The following TOGARAM2 variants were observed in gnomAD, a reference collection of about 807,000 sequenced individuals.
TOGARAM2 encodes the protein TOG array regulator of axonemal microtubules protein 2.
In TOGARAM2, 85 loss-of-function variants were observed where a neutral mutation model predicts 93.3. That is an observed-to-expected ratio of 0.91 (90% confidence interval 0.76 to 1.09). TOGARAM2 has a LOEUF of 1.09. Among genes scored for constraint, TOGARAM2 ranks in the 50% least tolerant of loss-of-function variants. The pLI, the probability that TOGARAM2 is intolerant of heterozygous loss-of-function variation, is 0.00. For missense variants in TOGARAM2, 1,277 were observed against 1,334.5 expected (o/e 0.96, Z 0.67); for synonymous variants, 593 against 552.8 (o/e 1.07, Z -1.02).
At chr2:29,031,753 A>C (rs1336990036) in intron 14 of TOGARAM2, among the ~76,000 whole-genome samples, 1 of 152,256 alleles carries the variant, frequency 6.6e-6, no homozygotes, top group Non-Finnish European at 1.5e-5. Context: ...GAGATAGCAC[A>C]TAGAAAGATT....
In TOGARAM2 at chr2:29,002,759, C is replaced by T. The variant is rs749647805; in HGVS notation, c.639+12C>T. ...CCGGTGCTCAGGAGGTAAGGTGGTT[C>T]GACTGCTGTGAGTCTGGTCCTCAGC... On this transcript the variant is annotated intron_variant, in intron 5 of 19. Transcript: ENST00000379558. The T allele has an allele frequency of 1.1e-5, 17 of 1,610,026 alleles. No homozygotes were observed. Among genetic ancestry groups the T allele is most frequent in the Middle Eastern group, 1.6e-4 (1 of 6,078 alleles).
chr2:28,976,326 A>C (rs557948278), upstream of TOGARAM2, among the ~76,000 whole-genome samples: 375 of 152,304 alleles, frequency 2.5e-3, 1 homozygote, highest in African/African-American at 8.5e-3. Flanking sequence ...AGCTGAGATC[A>C]CACCACTGCA....
chr2:28,973,740 C>T lies in TOGARAM2; in HGVS notation c.-147+17043C>T, dbSNP rs528424933. On this transcript the variant is annotated intron_variant, in intron 1 of 6. Transcript: ENST00000401723. ...TCAGAGTCTCATTATGTTGCCCAGG[C>T]TGGTCTCAAACTCCTGGCCTCAAGG... is the stretch of plus-strand genomic sequence containing the variant. Among the ~76,000 whole-genome samples, 22 of 152,150 alleles carry T rather than the reference C, an allele frequency of 1.4e-4. No individual in the cohort carries two copies. The South Asian group carries it at 3.7e-3, about 26-fold the overall frequency.
At chr2:28,974,034 G>A (rs778018575) in intron 1 of TOGARAM2, among the ~76,000 whole-genome samples, 21 of 151,510 alleles carry the variant, frequency 1.4e-4, no homozygotes, top group Non-Finnish European at 2.9e-4. Flanking sequence ...CACTTGTATT[G>A]TGTTTCTCTG....
chr2:29,046,581 C>T (rs1666759469), intron 19 of TOGARAM2: 1 of 152,474 alleles, frequency 6.6e-6, no homozygotes, highest in African/African-American at 2.4e-5. Context: ...CACTGCTGCT[C>T]TAGGATGTGC....
intron 1 of TOGARAM2, among the ~76,000 whole-genome samples, chr2:28,984,229 A>G (rs1386399330): frequency 6.6e-6 from 1 of 151,980 alleles, no homozygotes; most frequent in Non-Finnish European, 1.5e-5. Context: ...TTTCTCTTCA[A>G]CAAAACAAAG....
At chr2:28,987,212 G>A (rs769325829) in intron 1 of TOGARAM2, among the ~76,000 whole-genome samples, 10 of 152,162 alleles carry the variant, frequency 6.6e-5, no homozygotes, top group Non-Finnish European at 8.8e-5. Context: ...ACATTGCCCC[G>A]GGCGCAAAGC....
At chr2:28,996,911 C>T (rs557003111) in intron 2 of TOGARAM2, among the ~76,000 whole-genome samples, 16 of 151,714 alleles carry the variant, frequency 1.1e-4, no homozygotes, top group Non-Finnish European at 2.4e-4. Context: ...AATAGTATCC[C>T]ATTGTGTATA....
chr2:28,980,374 A>G (rs1041430225), upstream of TOGARAM2, among the ~76,000 whole-genome samples: 1 of 152,374 alleles, frequency 6.6e-6, no homozygotes, highest in East Asian at 1.9e-4. Context: ...CGTGGGGTGT[A>G]GTTGGCCTCC....
rs1027627264 is a variant in TOGARAM2, at chr2:28,981,480, A to G, written c.-169A>G. ...TGGGCCCATGAGCATCAACGTCTCT[A>G]TAGAGACCAAGGACCCTGGATTCCT... On this transcript the variant is annotated 5_prime_UTR_variant, in exon 1 of 20. Transcript: ENST00000379558. The G allele has an allele frequency of 1.3e-5, 2 of 152,414 alleles. No homozygotes were observed. The highest frequency in any genetic ancestry group is 4.8e-5 in the African/African-American group (2 of 41,462). The allele number at this position is 152,414 out of a possible 1,614,324, so 9.4% of individuals were successfully genotyped here.
intron 1 of TOGARAM2, among the ~76,000 whole-genome samples, chr2:28,972,028 A>G (rs556374489): frequency 1.6e-4 from 25 of 152,328 alleles, no homozygotes; most frequent in African/African-American, 6.0e-4. Context: ...TACACAGTGT[A>G]TATTAAAGGC....
chr2:29,050,765 TA>T (rs1262212110), intron 19 of TOGARAM2: 7 of 152,368 alleles, frequency 4.6e-5, no homozygotes, highest in Admixed American at 1.3e-4. Context: ...CCAGCTTCGA[TA>T]GTGCTAATGC....
chr2:29,045,467 G>A, intron 19 of TOGARAM2, 57 bp downstream of exon 19: 2 of 1,440,906 alleles, frequency 1.4e-6, no homozygotes, highest in East Asian at 2.3e-5. Flanking sequence ...GTTCTCTCCT[G>A]GTCTGTGGTT....
intron 1 of TOGARAM2, among the ~76,000 whole-genome samples, chr2:28,990,410 G>A (rs1174259153): frequency 6.6e-6 from 1 of 152,184 alleles, no homozygotes; most frequent in African/African-American, 2.4e-5. Flanking sequence ...TCCCGGGGCT[G>A]CAGAGCAAGC....
intron 14 of TOGARAM2, among the ~76,000 whole-genome samples, chr2:29,031,512 C>T (rs564768905): frequency 6.6e-6 from 1 of 152,290 alleles, no homozygotes; most frequent in East Asian, 1.9e-4. Context: ...TGAGTTTAAT[C>T]TGTTTAAAGT....
chr2:28,984,560 C>T (rs1672378650), intron 1 of TOGARAM2, among the ~76,000 whole-genome samples: 1 of 152,210 alleles, frequency 6.6e-6, no homozygotes, highest in Non-Finnish European at 1.5e-5. Flanking sequence ...TGCTTGTTTA[C>T]AGTCTACAGT....
At chr2:28,973,490 G>C (rs55882210) in intron 1 of TOGARAM2, among the ~76,000 whole-genome samples, 2 of 42,310 alleles carry the variant, frequency 4.7e-5, no homozygotes, top group Admixed American at 3.7e-4. Context: ...TCCCTCCTTC[G>C]TTCTTCTCCC....
intron 3 of TOGARAM2, 33 bp from the exon 4 acceptor site, chr2:28,999,148 G>C (rs375413321): frequency 5.1e-6 from 8 of 1,575,120 alleles, no homozygotes; most frequent in Non-Finnish European, 6.9e-6. Flanking sequence ...TGGGTACTGC[G>C]TGCCAAGCCA....
At chr2:29,048,182 A>T (rs1666859350) in intron 19 of TOGARAM2, 2 of 152,196 alleles carry the variant, frequency 1.3e-5, no homozygotes, top group African/African-American at 2.4e-5. Context: ...AAACCATCAG[A>T]TCTCATGAGA....
Sources: allele counts gnomAD v4.1 joint callset (sites outside exome capture counted in the v4.1 genomes callset), GRCh38; gene constraint gnomAD v4.1.1; transcripts MANE v1.5; gene names NCBI Gene and HGNC (gene_info 2026-07-23, HGNC 2026-07-21).